The following PAK5 variants were observed in gnomAD, a reference collection of about 807,000 sequenced individuals.
The protein encoded by PAK5 is serine/threonine-protein kinase PAK 5.
In PAK5, 16 loss-of-function variants were observed where a neutral mutation model predicts 65.9. The ratio of observed to expected loss-of-function variants is 0.24; its 90% confidence interval spans 0.16 to 0.37. The LOEUF (loss-of-function observed/expected upper bound fraction) is 0.37. Among genes scored for constraint, PAK5 ranks in the 10% least tolerant of loss-of-function variants. PAK5 has a pLI of 1.00. For missense variants in PAK5, 785 were observed against 903.9 expected, an observed-to-expected ratio of 0.87 and a Z score of 1.69; for synonymous variants, 371 against 354.9, an observed-to-expected ratio of 1.05 and a Z score of -0.51.
intron 4 of PAK5, among the ~76,000 whole-genome samples, chr20:9,573,945 G>A (rs1241897063): frequency 6.6e-6 from 1 of 152,178 alleles, no homozygotes; most frequent in Non-Finnish European, 1.5e-5. Flanking sequence ...CAGGCTGGGT[G>A]CTGCTTACTC....
At chr20:9,645,800 A>G (rs2123281227) in intron 2 of PAK5, among the ~76,000 whole-genome samples, 1 of 152,154 alleles carries the variant, frequency 6.6e-6, no homozygotes, top group African/African-American at 2.4e-5. Flanking sequence ...GTTAGCCAGG[A>G]TGGTCTCCAT....
rs987932548 is a variant in PAK5, at chr20:9,540,549, A to G, written c.2005-932T>C. 3.3e-5 allele frequency among the ~76,000 whole-genome samples: 5 copies of G among 152,196 alleles called. No individual in the cohort carries two copies. In the South Asian group the frequency reaches 1.0e-3, roughly 32 times the overall value. On this transcript the variant is annotated intron_variant, in intron 9 of 9. Transcript: ENST00000353224. ...ATCTCCGACGTGTGGCAAAAGTTAT[A>G]TCTTTTAAATTACTGTGTAGTATTC...
intron 1 of PAK5, among the ~76,000 whole-genome samples, chr20:9,808,672 G>A (rs2049261602): frequency 6.6e-6 from 1 of 152,108 alleles, no homozygotes; most frequent in Non-Finnish European, 1.5e-5. Flanking sequence ...TTCAGAACAG[G>A]CAAATTCATA....
intron 1 of PAK5, among the ~76,000 whole-genome samples, chr20:9,740,067 A>C (rs2048434373): frequency 6.6e-6 from 1 of 152,230 alleles, no homozygotes; most frequent in Non-Finnish European, 1.5e-5. Flanking sequence ...TGGTACAAAG[A>C]AATTTCCAAA....
intron 1 of PAK5, among the ~76,000 whole-genome samples, chr20:9,750,174 T>C (rs183805346): frequency 7.1e-4 from 108 of 152,220 alleles, no homozygotes; most frequent in Middle Eastern, 3.4e-3. Flanking sequence ...ACTCTCTTGG[T>C]GGCAGCAAAT....
rs905694044 is a variant in PAK5 at position 9,563,043 on chromosome 20, T to C, written c.1483-19A>G. 9.9e-6 allele frequency: 16 copies of C among 1,609,540 alleles called. No individual in the cohort carries two copies. The highest frequency in any genetic ancestry group is 1.3e-5 in the African/African-American group (1 of 74,232). ...TCACGACCTGGGGAAACGGGAAATA[T>C]ACTTTTGACTTGTGAAGATGAAGTT... On this transcript the variant is annotated intron_variant, in intron 5 of 9. Transcript: ENST00000353224.
At chr20:9,804,095 A>C (rs934190258) in intron 1 of PAK5, among the ~76,000 whole-genome samples, 1 of 152,234 alleles carries the variant, frequency 6.6e-6, no homozygotes, top group East Asian at 1.9e-4. Flanking sequence ...TTACCTGAGA[A>C]CTTGTTAGAA....
intron 1 of PAK5, among the ~76,000 whole-genome samples, chr20:9,768,772 C>G (rs978001624): frequency 3.8e-5 from 4 of 105,926 alleles, no homozygotes; most frequent in Non-Finnish European, 6.8e-5. Flanking sequence ...AACAGAGCAA[C>G]AGAGCGAGAC....
At chr20:9,617,774 C>T (rs916184678) in intron 3 of PAK5, among the ~76,000 whole-genome samples, 1 of 151,972 alleles carries the variant, frequency 6.6e-6, no homozygotes, top group African/African-American at 2.4e-5. Flanking sequence ...CCAGGATGGT[C>T]TCGATCTCCT....
At chr20:9,744,650 A>T (rs1033314514) in intron 1 of PAK5, among the ~76,000 whole-genome samples, 6 of 152,218 alleles carry the variant, frequency 3.9e-5, no homozygotes, top group Non-Finnish European at 7.3e-5. Flanking sequence ...ACAGCATCAC[A>T]GCAGAACTTC....
At chr20:9,794,521 G>C (rs1389232742) in intron 1 of PAK5, among the ~76,000 whole-genome samples, 1 of 152,028 alleles carries the variant, frequency 6.6e-6, no homozygotes, top group Admixed American at 6.6e-5. Context: ...GCTGCTTATA[G>C]GAGAAAATAA....
intron 3 of PAK5, among the ~76,000 whole-genome samples, chr20:9,625,967 A>G (rs2046838162): frequency 6.6e-6 from 1 of 152,238 alleles, no homozygotes; most frequent in Non-Finnish European, 1.5e-5. Flanking sequence ...CATAGCATTC[A>G]GGACTGCAGG....
intron 3 of PAK5, among the ~76,000 whole-genome samples, chr20:9,596,635 CAAAAAA>C (rs35576059): frequency 3.0e-3 from 161 of 52,812 alleles, no homozygotes; most frequent in Middle Eastern, 0.011. Flanking sequence ...GACTCCGTCT[CAAAAAA>C]AAAAAAAAAA....
chr20:9,730,139 TATATG>T (rs1456759665), intron 1 of PAK5, among the ~76,000 whole-genome samples: 1 of 151,906 alleles, frequency 6.6e-6, no homozygotes, highest in Admixed American at 6.6e-5. Context: ...ATTAGTTATT[TATATG>T]ATAGCAGATT....
Position 9,542,668 on chromosome 20 carries a change from G to A in PAK5, c.1922C>T (p.Pro641Leu), listed in dbSNP as rs1568952743. 1 of 1,613,896 alleles carries A rather than the reference G, an allele frequency of 6.2e-7. No homozygotes were observed. The highest frequency in any genetic ancestry group is 8.5e-7 in the Non-Finnish European group (1 of 1,179,826). Reference protein sequence around the residue: ...IMVIEMIDGEPPYFNEPPLQA... With the variant: ...IMVIEMIDGELPYFNEPPLQA... The stretch of plus-strand genomic sequence containing the variant: ...GAGGGGAGGCTCATTGAAGTAGGGG[G>A]GCTCGCCATCAATCATTTCTATCAC... The change falls in exon 9 of 10, where the codon CCC (proline) becomes CTC (leucine). Residue 641 changes from proline to leucine, a missense_variant. This residue lies in a region of PAK5 where 110 missense variants were observed against 107.4 expected (regional missense o/e 1.02). Coordinates refer to ENST00000353224, the MANE Select transcript of PAK5 (RefSeq NM_177990.4).
intron 1 of PAK5, among the ~76,000 whole-genome samples, chr20:9,766,073 T>C (rs2048754178): frequency 6.6e-6 from 1 of 151,414 alleles, no homozygotes. Flanking sequence ...AATACAAAAT[T>C]TAGCTGGGTG....
chr20:9,749,567 C>T (rs988316514), intron 1 of PAK5, among the ~76,000 whole-genome samples: 2 of 152,092 alleles, frequency 1.3e-5, no homozygotes, highest in East Asian at 1.9e-4. Flanking sequence ...AATTTAAATG[C>T]TTGTTTTGAA....
intron 4 of PAK5, among the ~76,000 whole-genome samples, chr20:9,574,655 C>A (rs914102754): frequency 6.6e-6 from 1 of 152,168 alleles, no homozygotes; most frequent in African/African-American, 2.4e-5. Context: ...TTTTGAATCA[C>A]AAGAGCATTC....
rs2122992806 is a variant in PAK5, at chr20:9,565,971, C to T, written c.1404G>A (p.Glu468=). ...CTGCAACTTGTTTCCCTGTGTGTTT[C>T]TCGGTGGCGATGCATACGATGCCGG... The part of the protein sequence containing the change: ...GSTGIVCIAT[E]KHTGKQVAVK... Residue 468 remains glutamate (E), a synonymous_variant, in exon 5 of 10, where the codon GAG becomes GAA. Coordinates refer to ENST00000353224, the MANE Select transcript of PAK5 (RefSeq NM_177990.4). 6.2e-7 allele frequency: 1 copy of T among 1,613,864 alleles called. No homozygotes were observed. The highest frequency in any genetic ancestry group is 2.2e-5 in the East Asian group (1 of 44,864).
Sources: allele counts gnomAD v4.1 joint callset (sites outside exome capture counted in the v4.1 genomes callset), GRCh38; gene constraint gnomAD v4.1.1; regional missense constraint gnomAD v4.1.1; transcripts MANE v1.5; gene names NCBI Gene and HGNC (gene_info 2026-07-23, HGNC 2026-07-21).